Variants in CNTNAP5 observed in about 807,000 individuals in gnomAD.
CNTNAP5 encodes the protein contactin associated protein family member 5.
In CNTNAP5, 72 loss-of-function variants were observed where a neutral mutation model predicts 150.2. The observed-to-expected ratio is 0.48, with a 90% CI of 0.40 to 0.58. The LOEUF (loss-of-function observed/expected upper bound fraction) is 0.58, where lower values mean the gene tolerates loss of function less well. CNTNAP5 is among the 20% of genes least tolerant of loss of function. The pLI, the probability that CNTNAP5 is intolerant of heterozygous loss-of-function variation, is 0.00. For missense variants in CNTNAP5, 1,636 were observed against 1,626.2 expected, an observed-to-expected ratio of 1.01 and a Z score of -0.10; for synonymous variants, 672 against 619.8, an observed-to-expected ratio of 1.08 and a Z score of -1.25.
At chr2:124,310,047 A>T (rs150876064) in intron 3 of CNTNAP5, among the ~76,000 whole-genome samples, 1 of 147,154 alleles carries the variant, frequency 6.8e-6, no homozygotes, top group Non-Finnish European at 1.5e-5. Flanking sequence ...ACGAGGCCTG[A>T]ATCTCTTACC....
intron 13 of CNTNAP5, among the ~76,000 whole-genome samples, chr2:124,706,828 G>GGAGA (rs1679660987): frequency 2.4e-4 from 1 of 4,116 alleles, no homozygotes; most frequent in African/African-American, 6.6e-4. Flanking sequence ...GGAGGAGGAA[G>GGAGA]AGGAGGAGGG....
At chr2:124,373,424 A>T (rs917391899) in intron 3 of CNTNAP5, among the ~76,000 whole-genome samples, 18 of 152,112 alleles carry the variant, frequency 1.2e-4, no homozygotes, top group African/African-American at 3.9e-4. Flanking sequence ...CCACAAGGAA[A>T]TTGTGGTTTA....
chr2:124,632,259 T>G (rs941588231), intron 12 of CNTNAP5, among the ~76,000 whole-genome samples: 1 of 152,164 alleles, frequency 6.6e-6, no homozygotes, highest in African/African-American at 2.4e-5. Context: ...GTGCATATGT[T>G]CAATGCAGCA....
chr2:124,732,165 T>C (rs1286770562), intron 13 of CNTNAP5, among the ~76,000 whole-genome samples: 5 of 152,162 alleles, frequency 3.3e-5, no homozygotes, highest in African/African-American at 1.2e-4. Flanking sequence ...TGTTTTATAA[T>C]GAGTGAGCTC....
At chr2:124,284,151 A>G (rs991179209) in intron 3 of CNTNAP5, among the ~76,000 whole-genome samples, 16 of 152,204 alleles carry the variant, frequency 1.1e-4, no homozygotes, top group African/African-American at 3.9e-4. Context: ...GAGTAAGCCA[A>G]GCAGAGCTCT....
chr2:124,791,845 G>T (rs72980451), intron 18 of CNTNAP5, among the ~76,000 whole-genome samples: 3 of 152,006 alleles, frequency 2.0e-5, no homozygotes, highest in African/African-American at 7.2e-5. Flanking sequence ...ATAGGCAAGT[G>T]TGTGCCTAGC....
rs1029649779 is a variant in CNTNAP5, at chr2:124,920,528, T to G, written c.*6240T>G. Reference sequence around the variant, plus strand: ...CAAACTTTGCTTAAAGCAGCATAGTTACATTGAGAAAGAGACTGCCTTTAG... The same window carrying G: ...CAAACTTTGCTTAAAGCAGCATAGTGACATTGAGAAAGAGACTGCCTTTAG... On this transcript the variant is annotated 3_prime_UTR_variant, in exon 24 of 24. Coordinates refer to ENST00000682447, the MANE Select transcript of CNTNAP5 (RefSeq NM_001367498.1). 6.6e-6 allele frequency among the ~76,000 whole-genome samples: 1 copy of G among 152,154 alleles called. No homozygotes were observed. The highest frequency in any genetic ancestry group is 1.5e-5 in the Non-Finnish European group (1 of 68,014).
intron 1 of CNTNAP5, among the ~76,000 whole-genome samples, chr2:124,198,034 C>G (rs1685633748): frequency 6.6e-6 from 1 of 151,678 alleles, no homozygotes. Context: ...CGTAGGTATT[C>G]CATTTGTATT....
chr2:124,571,589 G>T (rs1027151679), intron 11 of CNTNAP5, among the ~76,000 whole-genome samples: 2 of 93,606 alleles, frequency 2.1e-5, no homozygotes, highest in African/African-American at 9.0e-5. Flanking sequence ...CTAGAGTGCA[G>T]TGGTGCGATC....
chr2:124,893,504 T>A (rs1242907534), intron 21 of CNTNAP5, among the ~76,000 whole-genome samples: 1 of 152,148 alleles, frequency 6.6e-6, no homozygotes, highest in African/African-American at 2.4e-5. Flanking sequence ...TTAATGCTAC[T>A]GTATGCCATT....
At chr2:124,687,989 C>A (rs1437077741) in intron 13 of CNTNAP5, among the ~76,000 whole-genome samples, 1 of 152,006 alleles carries the variant, frequency 6.6e-6, no homozygotes, top group Admixed American at 6.6e-5. Flanking sequence ...TTATGAAACT[C>A]CTGTAGTCAT....
chr2:124,682,895 A>T (rs920660641), intron 13 of CNTNAP5, among the ~76,000 whole-genome samples: 1 of 152,202 alleles, frequency 6.6e-6, no homozygotes, highest in Non-Finnish European at 1.5e-5. Flanking sequence ...GCAATCTAGG[A>T]ACTTAACCAA....
intron 1 of CNTNAP5, among the ~76,000 whole-genome samples, chr2:124,083,451 T>G (rs997766487): frequency 1.3e-5 from 2 of 152,198 alleles, no homozygotes; most frequent in Non-Finnish European, 2.9e-5. Context: ...GAATTAAAGT[T>G]TTTTATTTGG....
At chr2:124,253,025 ATATT>A (rs2104782246) in intron 3 of CNTNAP5, among the ~76,000 whole-genome samples, 1 of 151,702 alleles carries the variant, frequency 6.6e-6, no homozygotes, top group East Asian at 1.9e-4. Flanking sequence ...CATAAAATAT[ATATT>A]TATTTACATA....
At chr2:124,257,809 G>A (rs1464904045) in intron 3 of CNTNAP5, among the ~76,000 whole-genome samples, 1 of 152,010 alleles carries the variant, frequency 6.6e-6, no homozygotes, top group Non-Finnish European at 1.5e-5. Flanking sequence ...ACAAAGTCTC[G>A]TCTGATTTTT....
At chr2:124,089,271 C>T (rs1682764613) in intron 1 of CNTNAP5, among the ~76,000 whole-genome samples, 1 of 129,002 alleles carries the variant, frequency 7.8e-6, no homozygotes, top group Admixed American at 7.4e-5. Context: ...AAGACCCCAC[C>T]TATTTTTTTT....
At position 124,917,591 on chromosome 2, in the gene CNTNAP5, CAG is replaced by C. The variant is rs1678796347; in HGVS notation, c.*3307_*3308del. 6.6e-6 allele frequency among the ~76,000 whole-genome samples: 1 copy of C among 152,034 alleles called. No homozygotes were observed. The highest frequency in any genetic ancestry group is 2.4e-5 in the African/African-American group (1 of 41,424). ...ACTTTTTTCCTCTCCTTAGTAATAA[CAG>C]AGATGGTATTAACTTGACTTCTACC... On this transcript the variant is annotated 3_prime_UTR_variant, in exon 24 of 24. Coordinates refer to ENST00000682447, the MANE Select transcript of CNTNAP5 (RefSeq NM_001367498.1).
At chr2:124,687,787 A>G (rs1159018990) in intron 13 of CNTNAP5, among the ~76,000 whole-genome samples, 1 of 152,094 alleles carries the variant, frequency 6.6e-6, no homozygotes, top group African/African-American at 2.4e-5. Flanking sequence ...ATCATTTGTA[A>G]TATTAGTTAC....
Position 124,685,757 on chromosome 2 carries a change from TGTGTGCGC to T in CNTNAP5, c.2077+37801_2077+37808del, listed in dbSNP as rs796363864. Among the ~76,000 whole-genome samples the T allele has an allele frequency of 3.0e-3, 382 of 127,342 alleles. 3 individuals carry two copies. The highest frequency in any genetic ancestry group is 0.01 in the African/African-American group (358 of 35,224). The allele number at this position is 127,342 out of a possible 152,430, so 83.5% of individuals were successfully genotyped here. A position where few individuals can be genotyped will look rare whatever the true frequency, so the allele number is the denominator to read the frequency against. ...TAAAGTAAGTGTGTGTGTGTGTGTG[TGTGTGCGC>T]GCGCGTGTTATTGAGCATTCCTGTG... On this transcript the variant is annotated intron_variant, in intron 13 of 23. Transcript: ENST00000682447.
Sources: allele counts gnomAD v4.1 joint callset (sites outside exome capture counted in the v4.1 genomes callset), GRCh38; gene constraint gnomAD v4.1.1; transcripts MANE v1.5; gene names NCBI Gene and HGNC (gene_info 2026-07-23, HGNC 2026-07-21).